Variants in FOXO3 observed in about 807,000 individuals in gnomAD.
FOXO3 encodes the protein forkhead box protein O3.
Under a neutral mutation model 41.9 loss-of-function variants are expected in FOXO3, and 4 were observed. That is an observed-to-expected ratio of 0.10 (90% confidence interval 0.05 to 0.22). The LOEUF (loss-of-function observed/expected upper bound fraction) is 0.22. Ranked by LOEUF, FOXO3 falls within the 10% of genes least tolerant of loss-of-function variation. The pLI is 1.00. For synonymous variants in FOXO3, 318 were observed against 389.3 expected (o/e 0.82, Z 2.16); for missense variants, 534 against 906.8 (o/e 0.59, Z 5.28).
intron 1 of FOXO3, among the ~76,000 whole-genome samples, chr6:108,589,376 A>T (rs1300733837): frequency 2.0e-5 from 3 of 152,168 alleles, no homozygotes; most frequent in African/African-American, 7.2e-5. Flanking sequence ...CACAAGCACA[A>T]CCCGAATCTT....
intron 1 of FOXO3, among the ~76,000 whole-genome samples, chr6:108,662,343 AGT>A (rs1170084440): frequency 6.6e-6 from 1 of 152,174 alleles, no homozygotes; most frequent in East Asian, 1.9e-4. Context: ...CTACTGAAAT[AGT>A]GTTTGTCAGT....
chr6:108,560,728 C>T (rs1015062100), upstream of FOXO3: 6 of 222,858 alleles, frequency 2.7e-5, no homozygotes, highest in African/African-American at 1.1e-4. Flanking sequence ...GACCGCGGCT[C>T]GGCTGCGCCA....
chr6:108,624,312 TAAA>T (rs201342359), intron 1 of FOXO3, among the ~76,000 whole-genome samples: 47 of 142,286 alleles, frequency 3.3e-4, no homozygotes, highest in Non-Finnish European at 6.3e-4. Flanking sequence ...GAATAATGGT[TAAA>T]AAAAAAAAAA....
chr6:108,616,019 A>T (rs1384621886), intron 1 of FOXO3, among the ~76,000 whole-genome samples: 1 of 149,978 alleles, frequency 6.7e-6, no homozygotes, highest in African/African-American at 2.5e-5. Flanking sequence ...AATGAGTCTC[A>T]CTCTGTCACC....
At chr6:108,623,637 C>A (rs1777732890) in intron 1 of FOXO3, among the ~76,000 whole-genome samples, 1 of 152,102 alleles carries the variant, frequency 6.6e-6, no homozygotes, top group African/African-American at 2.4e-5. Context: ...GGAATACACC[C>A]CTTTGTATAA....
intron 2 of FOXO3, among the ~76,000 whole-genome samples, chr6:108,667,820 G>A (rs999954181): frequency 5.9e-5 from 9 of 152,168 alleles, no homozygotes; most frequent in Admixed American, 5.9e-4. Context: ...CCTGAAAGTA[G>A]ACTAGCTCAG....
At chr6:108,635,040 T>G (rs1034201609) in intron 1 of FOXO3, among the ~76,000 whole-genome samples, 1 of 151,794 alleles carries the variant, frequency 6.6e-6, no homozygotes, top group African/African-American at 2.4e-5. Flanking sequence ...GGCTCACACC[T>G]GTAATCCCAG....
At chr6:108,570,145 G>A (rs563044671) in intron 1 of FOXO3, among the ~76,000 whole-genome samples, 74 of 151,676 alleles carry the variant, frequency 4.9e-4, no homozygotes, top group African/African-American at 1.6e-3. Context: ...GACTGCAGGC[G>A]TTCGCCACCA....
At chr6:108,672,639 G>A (rs1037882256) in intron 2 of FOXO3, among the ~76,000 whole-genome samples, 1 of 152,200 alleles carries the variant, frequency 6.6e-6, no homozygotes, top group South Asian at 2.1e-4. Context: ...GGTAATTCCA[G>A]TGTTTCTGAA....
At chr6:108,647,422 G>A (rs1374518441) in intron 1 of FOXO3, among the ~76,000 whole-genome samples, 1 of 152,142 alleles carries the variant, frequency 6.6e-6, no homozygotes, top group Non-Finnish European at 1.5e-5. Flanking sequence ...ACTCCTGGAT[G>A]CCTGCATTCT....
At chr6:108,653,556 G>A (rs1778605572) in intron 1 of FOXO3, among the ~76,000 whole-genome samples, 2 of 152,176 alleles carry the variant, frequency 1.3e-5, no homozygotes, top group Admixed American at 1.3e-4. Context: ...GTCTGCGACT[G>A]TGAAGTTGGG....
At chr6:108,569,283 A>T (rs1399727750) in intron 1 of FOXO3, among the ~76,000 whole-genome samples, 1 of 152,190 alleles carries the variant, frequency 6.6e-6, no homozygotes, top group African/African-American at 2.4e-5. Flanking sequence ...ATGATGATAG[A>T]ACACCCCAGT....
intron 2 of FOXO3, among the ~76,000 whole-genome samples, chr6:108,668,595 T>G (rs903788620): frequency 3.9e-5 from 6 of 152,156 alleles, no homozygotes; most frequent in Non-Finnish European, 5.9e-5. Context: ...TTCACAAACT[T>G]TCATTCATCT....
chr6:108,650,379 G>GA (rs1778514818), intron 1 of FOXO3, among the ~76,000 whole-genome samples: 1 of 152,092 alleles, frequency 6.6e-6, no homozygotes, highest in Non-Finnish European at 1.5e-5. Context: ...CGTTCTTTTA[G>GA]CCCCTGAGGC....
intron 2 of FOXO3, among the ~76,000 whole-genome samples, chr6:108,667,868 A>C (rs1225152927): frequency 6.6e-6 from 1 of 152,226 alleles, no homozygotes; most frequent in East Asian, 1.9e-4. Context: ...TCCAAAGGAC[A>C]GTGGGGGCTG....
At chr6:108,566,784 C>T (rs1562226461) in intron 1 of FOXO3, among the ~76,000 whole-genome samples, 1 of 152,134 alleles carries the variant, frequency 6.6e-6, no homozygotes. Flanking sequence ...TTGAGGGGTC[C>T]TGAAGAGCCA....
intron 1 of FOXO3, chr6:108,618,098 C>G (rs569728042): frequency 2.6e-6 from 2 of 775,574 alleles, no homozygotes; most frequent in Admixed American, 1.7e-5. Context: ...ATTTGGTTGC[C>G]GGTCAAATCA....
chr6:108,672,704 G>A (rs972151282), intron 2 of FOXO3, among the ~76,000 whole-genome samples: 24 of 152,066 alleles, frequency 1.6e-4, no homozygotes, highest in Non-Finnish European at 2.9e-4. Flanking sequence ...ATGTCAGTAC[G>A]TCTCCTCTCT....
intron 2 of FOXO3, among the ~76,000 whole-genome samples, chr6:108,672,612 G>C (rs1033205993): frequency 2.0e-5 from 3 of 152,168 alleles, no homozygotes; most frequent in Non-Finnish European, 2.9e-5. Flanking sequence ...GTATCACTTA[G>C]TCACGAAGTC....
Sources: allele counts gnomAD v4.1 joint callset (sites outside exome capture counted in the v4.1 genomes callset), GRCh38; gene constraint gnomAD v4.1.1; transcripts MANE v1.5; gene names NCBI Gene and HGNC (gene_info 2026-07-23, HGNC 2026-07-21).